Variants in TMEM232 observed in about 807,000 individuals in gnomAD.
TMEM232 encodes transmembrane protein 232.
In TMEM232, 80 loss-of-function variants were observed where a neutral mutation model predicts 78.8. The observed-to-expected ratio is 1.01, with a 90% CI of 0.85 to 1.22. The LOEUF (loss-of-function observed/expected upper bound fraction) is 1.22, where lower values mean the gene tolerates loss of function less well. Among genes scored for constraint, TMEM232 ranks in the 50% most tolerant of loss-of-function variants. The pLI is 0.00. For missense variants in TMEM232, 881 were observed against 742.2 expected (o/e 1.19, Z -2.17); for synonymous variants, 297 against 254.3 (o/e 1.17, Z -1.60).
chr5:110,588,599 C>T lies in TMEM232; in HGVS notation c.1276+16510G>A, dbSNP rs142969102. On this transcript the variant is annotated intron_variant, in intron 10 of 13. Transcript: ENST00000455884. ...TTCACATACTGGAAGGACTAGAACG[C>T]GAGAAAATGAATCGATTTATTTTGG... is the stretch of plus-strand genomic sequence containing the variant. 9.9e-5 allele frequency among the ~76,000 whole-genome samples: 15 copies of T among 152,050 alleles called. No individual in the cohort carries two copies. In the East Asian group the frequency reaches 1.9e-3, roughly 20 times the overall value.
At chr5:110,712,105 C>CAAAAAAA (rs61482697) in intron 1 of TMEM232, among the ~76,000 whole-genome samples, 2 of 65,424 alleles carry the variant, frequency 3.1e-5, no homozygotes, top group Non-Finnish European at 7.2e-5. Context: ...GACTCAATCT[C>CAAAAAAA]AAAAAAAAAA....
intron 2 of TMEM232, among the ~76,000 whole-genome samples, chr5:110,665,331 A>G (rs898757382): frequency 6.6e-6 from 1 of 152,152 alleles, no homozygotes; most frequent in African/African-American, 2.4e-5. Context: ...CTGTATAGGT[A>G]GTGGTGGCAA....
chr5:110,717,266 T>C (rs1304991190), intron 1 of TMEM232, among the ~76,000 whole-genome samples: 1 of 151,450 alleles, frequency 6.6e-6, no homozygotes, highest in Non-Finnish European at 1.5e-5. Context: ...TTAATAAAAG[T>C]ATAAAGTTTT....
chr5:110,549,627 A>AAAAG, intron 11 of TMEM232, among the ~76,000 whole-genome samples: 1 of 151,260 alleles, frequency 6.6e-6, no homozygotes, highest in Admixed American at 6.6e-5. Flanking sequence ...AAAAAAAAAA[A>AAAAG]AAAGACTGAG....
intron 12 of TMEM232, among the ~76,000 whole-genome samples, chr5:110,506,594 ATAAC>A (rs1766934488): frequency 6.6e-6 from 1 of 152,176 alleles, no homozygotes; most frequent in South Asian, 2.1e-4. Context: ...ATCAATCAAA[ATAAC>A]TACCCTCTTT....
chr5:110,554,304 C>T (rs1774813811), intron 11 of TMEM232, among the ~76,000 whole-genome samples: 1 of 152,138 alleles, frequency 6.6e-6, no homozygotes, highest in Admixed American at 6.6e-5. Flanking sequence ...CATCTTTCTC[C>T]TGTGCTGGAT....
At chr5:110,638,893 G>C (rs1372321440) in intron 4 of TMEM232, among the ~76,000 whole-genome samples, 3 of 152,166 alleles carry the variant, frequency 2.0e-5, no homozygotes, top group Non-Finnish European at 4.4e-5. Flanking sequence ...AAGATAAAAA[G>C]GGAATAGCAG....
At chr5:110,605,628 A>G (rs907084295) in intron 9 of TMEM232, among the ~76,000 whole-genome samples, 1 of 152,144 alleles carries the variant, frequency 6.6e-6, no homozygotes, top group Non-Finnish European at 1.5e-5. Context: ...ACTATTTTCC[A>G]TATCATATTC....
chr5:110,474,760 G>T (rs1763063381), intron 12 of TMEM232, among the ~76,000 whole-genome samples: 1 of 151,522 alleles, frequency 6.6e-6, no homozygotes, highest in Non-Finnish European at 1.5e-5. Flanking sequence ...GTATTAGCAA[G>T]AAATAGCAAA....
At chr5:110,682,854 C>G (rs939471895) in intron 1 of TMEM232, among the ~76,000 whole-genome samples, 1 of 152,066 alleles carries the variant, frequency 6.6e-6, no homozygotes, top group African/African-American at 2.4e-5. Context: ...AATTAAGTGT[C>G]TTCTTTCTCA....
At chr5:110,399,749 G>A (rs1755524876) in intron 2 of TMEM232, among the ~76,000 whole-genome samples, 1 of 152,108 alleles carries the variant, frequency 6.6e-6, no homozygotes, top group South Asian at 2.1e-4. Context: ...TCAACACACA[G>A]TAAACAGAAG....
intron 12 of TMEM232, among the ~76,000 whole-genome samples, chr5:110,486,681 T>G (rs948120327): frequency 6.6e-6 from 1 of 152,292 alleles, no homozygotes; most frequent in Middle Eastern, 3.4e-3. Context: ...TATGTGCCTA[T>G]TTTTACACCA....
chr5:110,541,949 G>C (rs1188753678), intron 11 of TMEM232, among the ~76,000 whole-genome samples: 1 of 152,144 alleles, frequency 6.6e-6, no homozygotes, highest in Non-Finnish European at 1.5e-5. Context: ...TGGAAAAAGA[G>C]ATCACCTGCT....
chr5:110,681,883 T>C (rs1048198310), intron 1 of TMEM232, among the ~76,000 whole-genome samples: 1 of 152,196 alleles, frequency 6.6e-6, no homozygotes, highest in African/African-American at 2.4e-5. Flanking sequence ...GAGAGTTATA[T>C]GCATAGAGCA....
intron 1 of TMEM232, among the ~76,000 whole-genome samples, chr5:110,680,396 C>CAAAAAAAAAAAA (rs1189611727): frequency 4.1e-5 from 1 of 24,674 alleles, no homozygotes; most frequent in African/African-American, 1.4e-4. Context: ...GACTCTATCT[C>CAAAAAAAAAAAA]AAAAAAAAAA....
intron 5 of TMEM232, among the ~76,000 whole-genome samples, chr5:110,637,740 T>G (rs1276938009): frequency 6.6e-6 from 1 of 152,020 alleles, no homozygotes; most frequent in Non-Finnish European, 1.5e-5. Flanking sequence ...TCAAGGACAT[T>G]ATAAAATATG....
chr5:110,546,436 C>T (rs558477740), intron 11 of TMEM232, among the ~76,000 whole-genome samples: 189 of 152,120 alleles, frequency 1.2e-3, no homozygotes, highest in Non-Finnish European at 2.2e-3. Flanking sequence ...ATTCCATAAA[C>T]ACTGCATTAT....
intron 12 of TMEM232, among the ~76,000 whole-genome samples, chr5:110,478,925 T>G (rs1215311305): frequency 6.7e-6 from 1 of 148,794 alleles, no homozygotes; most frequent in Non-Finnish European, 1.5e-5. Flanking sequence ...TTTTTTGCTC[T>G]TTCTTTGTGG....
At chr5:110,533,421 C>T (rs773908244) in intron 11 of TMEM232, among the ~76,000 whole-genome samples, 3 of 152,200 alleles carry the variant, frequency 2.0e-5, no homozygotes, top group Non-Finnish European at 4.4e-5. Flanking sequence ...CAGGACCGCA[C>T]CCTGTAGCCT....
Sources: gnomAD v4.1 joint callset for allele counts (sites outside exome capture counted in the v4.1 genomes callset) on GRCh38, gnomAD v4.1.1 for gene constraint, MANE v1.5 for transcripts, NCBI Gene and HGNC (gene_info 2026-07-23, HGNC 2026-07-21) for gene names.